The following ATP9A variants were observed in gnomAD, a reference collection of about 807,000 sequenced individuals.
The protein encoded by ATP9A is ATPase phospholipid transporting 9A.
Under a neutral mutation model 144.1 loss-of-function variants are expected in ATP9A, and 52 were observed. That is an observed-to-expected ratio of 0.36 (90% CI 0.29 to 0.45). The LOEUF is 0.45. ATP9A is among the 20% of genes least tolerant of loss of function. ATP9A has a pLI of 1.00. For missense variants in ATP9A, 947 were observed against 1,392.7 expected, an observed-to-expected ratio of 0.68 and a Z score of 5.09; for synonymous variants, 582 against 557.4, an observed-to-expected ratio of 1.04 and a Z score of -0.62.
At chr20:51,733,084 TAGC>T (rs2077748949) in intron 1 of ATP9A, among the ~76,000 whole-genome samples, 1 of 152,180 alleles carries the variant, frequency 6.6e-6, no homozygotes, top group South Asian at 2.1e-4. Context: ...TGTTTTGTTT[TAGC>T]AGAAGTTTCC....
intron 13 of ATP9A, among the ~76,000 whole-genome samples, chr20:51,669,530 G>A (rs567393412): frequency 3.8e-4 from 58 of 152,312 alleles, no homozygotes; most frequent in Non-Finnish European, 6.8e-4. Flanking sequence ...TGTTATTGGT[G>A]CTCCGGGTCA....
At chr20:51,764,006 C>G in intron 1 of ATP9A, among the ~76,000 whole-genome samples, 1 of 152,312 alleles carries the variant, frequency 6.6e-6, no homozygotes, top group Non-Finnish European at 1.5e-5. Flanking sequence ...CAAAGAAGCA[C>G]ACTGTAGACC....
intron 1 of ATP9A, among the ~76,000 whole-genome samples, chr20:51,764,677 G>A (rs750865995): frequency 2.6e-5 from 4 of 151,944 alleles, no homozygotes; most frequent in Non-Finnish European, 4.4e-5. Context: ...CCAAGACCAC[G>A]AACACATTAA....
chr20:51,625,482 C>G, intron 17 of ATP9A, 120 bp from the exon 18 acceptor site: 3 of 1,196,776 alleles, frequency 2.5e-6, no homozygotes, highest in Non-Finnish European at 3.4e-6. Context: ...GGGACCCCAG[C>G]AGGTGAGCTG....
At chr20:51,689,168 AC>A in intron 8 of ATP9A, 29 bp from the exon 9 acceptor site, 1 of 1,608,864 alleles carries the variant, frequency 6.2e-7, no homozygotes, top group Non-Finnish European at 8.5e-7. Context: ...ACACACGTTC[AC>A]CCCCCAAAGC....
At chr20:51,706,571 G>C (rs955354627) in intron 4 of ATP9A, among the ~76,000 whole-genome samples, 5 of 152,202 alleles carry the variant, frequency 3.3e-5, no homozygotes, top group African/African-American at 1.2e-4. Context: ...GACTGGCCTG[G>C]TAACTTCATC....
Position 51,619,063 on chromosome 20 carries a change from G to A in ATP9A, c.2116-20C>T. On this transcript the variant is annotated intron_variant, in intron 19 of 27. Transcript: ENST00000338821. ...GGTCACCTGGAAGGGAACAGAGATG[G>A]GGAAGGAGGCATTGCTCTCCGGACA... The A allele has an allele frequency of 6.2e-7, 1 of 1,601,882 alleles. No homozygotes were observed. Among genetic ancestry groups the A allele is most frequent in the Admixed American group, 1.7e-5 (1 of 59,950 alleles).
At chr20:51,682,031 T>C (rs2077502085) in intron 9 of ATP9A, among the ~76,000 whole-genome samples, 1 of 151,948 alleles carries the variant, frequency 6.6e-6, no homozygotes, top group Non-Finnish European at 1.5e-5. Context: ...GGTGATAATA[T>C]CCTGTTTCTT....
chr20:51,604,864 C>G lies in ATP9A; in HGVS notation c.2960G>C (p.Ser987Thr), dbSNP rs1404754048. 1 of 1,581,236 alleles carries G rather than the reference C, an allele frequency of 6.3e-7. No individual in the cohort carries two copies. Among genetic ancestry groups the G allele is most frequent in the African/African-American group, 1.4e-5 (1 of 73,652 alleles). Residue 987 changes from serine to threonine, a missense_variant, in exon 27 of 28, where the codon AGC becomes ACC. Coordinates refer to ENST00000338821, the MANE Select transcript of ATP9A (RefSeq NM_006045.3). ...HWLMTVAELLSLACYIASLVF... is the reference protein window; with the variant it reads ...HWLMTVAELLTLACYIASLVF... ...CAGGGAGGCGATGTAGCAGGCCAGG[C>G]TGAGCAGCTCCGCCACTGTCATGAG...
At chr20:51,669,098 C>T (rs576970077) in intron 13 of ATP9A, among the ~76,000 whole-genome samples, 1 of 152,298 alleles carries the variant, frequency 6.6e-6, no homozygotes, top group East Asian at 1.9e-4. Flanking sequence ...TGGTCTAACG[C>T]GGTCTGGCTC....
chr20:51,625,056 G>T, intron 18 of ATP9A, 136 bp downstream of exon 18: 2 of 654,070 alleles, frequency 3.1e-6, no homozygotes, highest in Non-Finnish European at 4.8e-6. Context: ...AACAGTGCCT[G>T]TGGCCCATTG....
intron 4 of ATP9A, among the ~76,000 whole-genome samples, chr20:51,700,075 C>T (rs140002192): frequency 1.0e-3 from 154 of 152,268 alleles, no homozygotes; most frequent in African/African-American, 3.6e-3. Flanking sequence ...TCTAATGGCA[C>T]CTCATTTTCA....
intron 1 of ATP9A, among the ~76,000 whole-genome samples, chr20:51,764,207 C>G (rs1568852179): frequency 6.6e-6 from 1 of 152,206 alleles, no homozygotes; most frequent in Non-Finnish European, 1.5e-5. Flanking sequence ...CCCAAGATCA[C>G]ACAGCTAGTA....
chr20:51,696,141 G>T lies in ATP9A; in HGVS notation c.499C>A (p.Gln167Lys). 6.2e-7 allele frequency: 1 copy of T among 1,613,804 alleles called. No homozygotes were observed. Among genetic ancestry groups the T allele is most frequent in the Non-Finnish European group, 8.5e-7 (1 of 1,179,722 alleles). Residue 167 changes from glutamine to lysine, a missense_variant, in exon 6 of 28, where the codon CAG becomes AAG. Physicochemically the swap from Gln to Lys is moderately conservative, Grantham distance 53 (BLOSUM62 1). Transcript: ENST00000338821. ...AAGATCATGTCGGCAGGGACCCGCTGGTTCTGTGTTATGAAAAGAAAGACT... is the reference window on the plus strand; with the variant it reads ...AAGATCATGTCGGCAGGGACCCGCTTGTTCTGTGTTATGAAAAGAAAGACT... ...VGDLIIVEKN[Q>K]RVPADMIFLR...
intron 3 of ATP9A, among the ~76,000 whole-genome samples, chr20:51,725,382 A>G (rs2077707825): frequency 6.6e-6 from 1 of 152,114 alleles, no homozygotes; most frequent in Non-Finnish European, 1.5e-5. Flanking sequence ...TCGGCCTCCC[A>G]AAGTGCTAGG....
intron 4 of ATP9A, among the ~76,000 whole-genome samples, chr20:51,701,966 G>A (rs2077595027): frequency 6.6e-6 from 1 of 151,480 alleles, no homozygotes; most frequent in Admixed American, 6.6e-5. Context: ...TTTGAGACCA[G>A]CCCGGGCCGC....
intron 1 of ATP9A, among the ~76,000 whole-genome samples, chr20:51,736,911 T>C (rs2122883606): frequency 6.6e-6 from 1 of 152,264 alleles, no homozygotes; most frequent in Middle Eastern, 3.4e-3. Flanking sequence ...AGACTCTCGA[T>C]ATGTTATAGA....
At chr20:51,605,072 C>A in intron 26 of ATP9A, 52 bp from the exon 27 acceptor site, 1 of 1,456,176 alleles carries the variant, frequency 6.9e-7, no homozygotes, top group South Asian at 1.4e-5. Flanking sequence ...GAAAGCCGTG[C>A]GCTGCTCGCC....
intron 1 of ATP9A, among the ~76,000 whole-genome samples, chr20:51,743,871 G>C (rs1181699031): frequency 1.3e-5 from 2 of 151,586 alleles, no homozygotes; most frequent in Non-Finnish European, 2.9e-5. Flanking sequence ...GCTGGATGCA[G>C]TGGCAAACAC....
Sources: gnomAD v4.1 joint callset for allele counts (sites outside exome capture counted in the v4.1 genomes callset) on GRCh38, gnomAD v4.1.1 for gene constraint, MANE v1.5 for transcripts, NCBI Gene and HGNC (gene_info 2026-07-23, HGNC 2026-07-21) for gene names.